The following JAKMIP1 variants were observed in gnomAD, a reference collection of about 807,000 sequenced individuals.
The protein encoded by JAKMIP1 is janus kinase and microtubule-interacting protein 1.
In JAKMIP1, 33 loss-of-function variants were observed where a neutral mutation model predicts 113.0. That is an observed-to-expected ratio of 0.29 (90% CI 0.22 to 0.39). JAKMIP1 has a LOEUF of 0.39. JAKMIP1 is among the 10% of genes least tolerant of loss of function. The pLI is 1.00. For missense variants in JAKMIP1, 813 were observed against 1,080.5 expected (o/e 0.75, Z 3.47); for synonymous variants, 480 against 459.9 (o/e 1.04, Z -0.56).
intron 3 of JAKMIP1, among the ~76,000 whole-genome samples, chr4:6,101,969 A>G (rs934791805): frequency 1.3e-4 from 20 of 151,780 alleles, no homozygotes; most frequent in African/African-American, 3.1e-4. Flanking sequence ...CTGTAGATCA[A>G]TCATGGAAAA....
intron 12 of JAKMIP1, among the ~76,000 whole-genome samples, chr4:6,056,283 C>G (rs1716443927): frequency 6.8e-6 from 1 of 146,150 alleles, no homozygotes; most frequent in South Asian, 2.2e-4. Flanking sequence ...CCAGCCCTCC[C>G]CATTTCTGCA....
chr4:6,056,884 C>A, intron 11 of JAKMIP1, 125 bp from the exon 12 acceptor site: 1 of 683,786 alleles, frequency 1.5e-6, no homozygotes, highest in Admixed American at 2.0e-5. Context: ...AAATGACAGC[C>A]GTGATGTGCC....
chr4:6,164,225 C>T (rs770597573), intron 1 of JAKMIP1, among the ~76,000 whole-genome samples: 7 of 152,212 alleles, frequency 4.6e-5, no homozygotes, highest in Non-Finnish European at 1.0e-4. Context: ...GCTAATAGAG[C>T]TGATGACGTG....
chr4:6,097,501 G>A lies in JAKMIP1; in HGVS notation c.624+7972C>T, dbSNP rs1199108418. On this transcript the variant is annotated intron_variant, in intron 3 of 20. Coordinates refer to ENST00000409021, the MANE Select transcript of JAKMIP1 (RefSeq NM_001099433.2). This position sits in a 1 kb window ranked among gnomAD's most constrained non-coding sequence, Gnocchi z 4.3. Reference sequence around the variant, plus strand: ...CCCTTGGGTATGCTAAATACACTGCGTTGTACACCTGCATTTTGACTGCGA... The same window carrying A: ...CCCTTGGGTATGCTAAATACACTGCATTGTACACCTGCATTTTGACTGCGA... Among the ~76,000 whole-genome samples the A allele has an allele frequency of 1.3e-5, 2 of 152,138 alleles. No homozygotes were observed. Among genetic ancestry groups the A allele is most frequent in the Non-Finnish European group, 2.9e-5 (2 of 68,020 alleles).
intron 11 of JAKMIP1, among the ~76,000 whole-genome samples, chr4:6,057,842 C>T (rs935036243): frequency 1.3e-5 from 2 of 152,248 alleles, no homozygotes; most frequent in African/African-American, 4.8e-5. Context: ...ATCCTTGGGC[C>T]TTGGGCTTGC....
chr4:6,154,955 G>T lies in JAKMIP1; in HGVS notation c.-147-41958C>A, dbSNP rs576616316. Among the ~76,000 whole-genome samples the T allele has an allele frequency of 3.3e-5, 5 of 151,800 alleles. No individual in the cohort carries two copies. Among genetic ancestry groups the T allele is most frequent in the African/African-American group, 1.2e-4 (5 of 41,128 alleles). ...CGCAGGGAAAGGTGCGGGGTAGGGT[G>T]GGGGGTCTTAGCTGGGGTGGAGCCT... On this transcript the variant is annotated intron_variant, in intron 1 of 20. Coordinates refer to ENST00000409021, the MANE Select transcript of JAKMIP1 (RefSeq NM_001099433.2). This position sits in a 1 kb window ranked among gnomAD's most constrained non-coding sequence, Gnocchi z 4.2.
chr4:6,027,580 T>C (rs1173477554), intron 20 of JAKMIP1, among the ~76,000 whole-genome samples: 1 of 152,168 alleles, frequency 6.6e-6, no homozygotes, highest in Non-Finnish European at 1.5e-5. Flanking sequence ...GCATGAGGCA[T>C]CTTGGAAGGT....
At position 6,061,503 on chromosome 4, in the gene JAKMIP1, T is replaced by TTG. The variant is rs895623847; in HGVS notation, c.1560+808_1560+809insCA. 5.8e-4 allele frequency among the ~76,000 whole-genome samples: 88 copies of TTG among 152,310 alleles called. No homozygotes were observed. Among genetic ancestry groups the TTG allele is most frequent in the African/African-American group, 2.0e-3 (84 of 41,574 alleles). ...TTAAGACTACCAAAATCCATCCATTTGTGGAATTCCCAAACAGGGCTCTGA... is the reference window on the plus strand; with the variant it reads ...TTAAGACTACCAAAATCCATCCATTTTGGTGGAATTCCCAAACAGGGCTCTGA... On this transcript the variant is annotated intron_variant, in intron 10 of 20. Transcript: ENST00000409021. The surrounding 1 kb of genome is among the most constrained non-coding windows in gnomAD (Gnocchi z 5.3).
rs538502147 is a variant in JAKMIP1 at position 6,080,103 on chromosome 4, G to A, written c.1242+69C>T. Reference sequence around the variant, plus strand: ...AGCATCACCCTGAGCCCCAACACCCGTTCCTGACACCCATGTCAGCTGGTG... The same window carrying A: ...AGCATCACCCTGAGCCCCAACACCCATTCCTGACACCCATGTCAGCTGGTG... On this transcript the variant is annotated intron_variant, in intron 7 of 20. Coordinates refer to ENST00000409021, the MANE Select transcript of JAKMIP1 (RefSeq NM_001099433.2). The surrounding 1 kb of genome is among the most constrained non-coding windows in gnomAD (Gnocchi z 6.0). 2.3e-5 allele frequency: 34 copies of A among 1,502,486 alleles called. No homozygotes were observed. The highest frequency in any genetic ancestry group is 1.4e-4 in the African/African-American group (10 of 72,498). The allele number at this position is 1,502,486 out of a possible 1,614,324, so 93.1% of individuals were successfully genotyped here.
At position 6,080,641 on chromosome 4, in the gene JAKMIP1, T is replaced by C. The variant is rs773306386; in HGVS notation, c.1102-329A>G. Among the ~76,000 whole-genome samples the C allele has an allele frequency of 2.0e-5, 3 of 152,190 alleles. No homozygotes were observed. Among genetic ancestry groups the C allele is most frequent in the Non-Finnish European group, 2.9e-5 (2 of 68,038 alleles). On this transcript the variant is annotated intron_variant, in intron 6 of 20. Transcript: ENST00000409021. The surrounding 1 kb of genome is among the most constrained non-coding windows in gnomAD (Gnocchi z 6.0). ...TTTACTTGGCTCTCAGTCTGTCTTGTCTGCCGCCAAGTAAGATGTGCCTTT... is the reference window on the plus strand; with the variant it reads ...TTTACTTGGCTCTCAGTCTGTCTTGCCTGCCGCCAAGTAAGATGTGCCTTT...
intron 1 of JAKMIP1, among the ~76,000 whole-genome samples, chr4:6,125,783 AAC>A (rs766499406): frequency 1.4e-5 from 2 of 141,482 alleles, no homozygotes; most frequent in South Asian, 2.3e-4. Context: ...ACCATGCAGA[AAC>A]ACACACACAC....
rs987871323 is a variant in JAKMIP1 at position 6,139,063 on chromosome 4, CACACACACACACACACACACATAT to C, written c.-147-26090_-147-26067del. Among the ~76,000 whole-genome samples the C allele has an allele frequency of 4.8e-5, 7 of 146,506 alleles. No individual in the cohort carries two copies. Among genetic ancestry groups the C allele is most frequent in the African/African-American group, 1.1e-4 (4 of 37,656 alleles). On this transcript the variant is annotated intron_variant, in intron 1 of 20. Coordinates refer to ENST00000409021, the MANE Select transcript of JAKMIP1 (RefSeq NM_001099433.2). This position sits in a 1 kb window ranked among gnomAD's most constrained non-coding sequence, Gnocchi z 5.2. Reference sequence around the variant, plus strand: ...CATGTGACATCATTAGAAACACACACACACACACACACACACACACATATACACACACACACACACACCAGCAGG... The same window carrying C: ...CATGTGACATCATTAGAAACACACACACACACACACACACACACCAGCAGG...
At position 6,180,653 on chromosome 4, in the gene JAKMIP1, AG is replaced by A. The variant is rs1725916028; in HGVS notation, c.-148+19599del. 6.6e-6 allele frequency among the ~76,000 whole-genome samples: 1 copy of A among 152,222 alleles called. No homozygotes were observed. Among genetic ancestry groups the A allele is most frequent in the African/African-American group, 2.4e-5 (1 of 41,464 alleles). ...GCAGCCCTGTGACAAGGGTATTCTT[AG>A]TACCCCCATTTTAATGGACCAGCAG... On this transcript the variant is annotated intron_variant, in intron 1 of 20. Transcript: ENST00000409021. This position sits in a 1 kb window ranked among gnomAD's most constrained non-coding sequence, Gnocchi z 4.5.
At chr4:6,126,203 A>G (rs1273391481) in intron 1 of JAKMIP1, among the ~76,000 whole-genome samples, 1 of 149,832 alleles carries the variant, frequency 6.7e-6, no homozygotes, top group African/African-American at 2.5e-5. Context: ...ACATACACAA[A>G]CACACACCAT....
rs1718201948 is a variant in JAKMIP1, at chr4:6,129,433, C to G, written c.-147-16436G>C. ...AAACAAAGCCATGAGTGTTTGATCT[C>G]TATGATCTACAAGGTTTGAGATCAC... is the stretch of plus-strand genomic sequence containing the variant. On this transcript the variant is annotated intron_variant, in intron 1 of 20. Coordinates refer to ENST00000409021, the MANE Select transcript of JAKMIP1 (RefSeq NM_001099433.2). This position sits in a 1 kb window ranked among gnomAD's most constrained non-coding sequence, Gnocchi z 5.4. Among the ~76,000 whole-genome samples, 1 of 152,176 alleles carries G rather than the reference C, an allele frequency of 6.6e-6. No homozygotes were observed.
At chr4:6,113,238 C>T (rs1190395588) in intron 1 of JAKMIP1, among the ~76,000 whole-genome samples, 1 of 152,230 alleles carries the variant, frequency 6.6e-6, no homozygotes, top group African/African-American at 2.4e-5. Flanking sequence ...CTAGGTGAGG[C>T]TCCCAGGTGA....
chr4:6,119,300 T>G (rs1182345442), intron 1 of JAKMIP1, among the ~76,000 whole-genome samples: 2 of 150,476 alleles, frequency 1.3e-5, no homozygotes, highest in Non-Finnish European at 3.0e-5. Context: ...TCCCAGCACT[T>G]TGGGAGGCCG....
In JAKMIP1 at chr4:6,162,360, G is replaced by A. The variant is rs1195482791; in HGVS notation, c.-148+37893C>T. ...TGCAGCTAAGGCAGCCAGAGCCTGG[G>A]AAACTCTCGGCACCCATTTTAGCCC... On this transcript the variant is annotated intron_variant, in intron 1 of 20. Transcript: ENST00000409021. This position sits in a 1 kb window ranked among gnomAD's most constrained non-coding sequence, Gnocchi z 5.6. Among the ~76,000 whole-genome samples the A allele has an allele frequency of 6.6e-6, 1 of 152,196 alleles. No individual in the cohort carries two copies. The highest frequency in any genetic ancestry group is 1.5e-5 in the Non-Finnish European group (1 of 68,038).
In JAKMIP1 at chr4:6,139,322, A is replaced by C. The variant is rs1363523934; in HGVS notation, c.-147-26325T>G. On this transcript the variant is annotated intron_variant, in intron 1 of 20. Transcript: ENST00000409021. This position sits in a 1 kb window ranked among gnomAD's most constrained non-coding sequence, Gnocchi z 5.2. ...TTCTTGATTTATGTGAAAGGGTTTA[A>C]ATTGTGTCACTCCCAAATTCATACG... Among the ~76,000 whole-genome samples, 1 of 152,172 alleles carries C rather than the reference A, an allele frequency of 6.6e-6. No individual in the cohort carries two copies. Among genetic ancestry groups the C allele is most frequent in the African/African-American group, 2.4e-5 (1 of 41,414 alleles).
Sources: allele counts gnomAD v4.1 joint callset (sites outside exome capture counted in the v4.1 genomes callset), GRCh38; gene constraint gnomAD v4.1.1; non-coding constraint Gnocchi (gnomAD v3.1); transcripts MANE v1.5; gene names NCBI Gene and HGNC (gene_info 2026-07-23, HGNC 2026-07-21).